The following C2orf76 variants were observed in gnomAD, a reference collection of about 807,000 sequenced individuals.
C2orf76 encodes the protein UPF0538 protein C2orf76.
In C2orf76, 23 loss-of-function variants were observed where a neutral mutation model predicts 16.9. That is an observed-to-expected ratio of 1.36 (90% CI 0.98 to 1.93). The LOEUF (loss-of-function observed/expected upper bound fraction) is 1.93, where lower values mean the gene tolerates loss of function less well. C2orf76 is among the 30% of genes most tolerant of loss of function. The pLI, the probability that C2orf76 is intolerant of heterozygous loss-of-function variation, is 0.00. For synonymous variants in C2orf76, 48 were observed against 52.3 expected (o/e 0.92, Z 0.35); for missense variants, 152 against 152.6 (o/e 1.00, Z 0.02).
intron 1 of C2orf76, among the ~76,000 whole-genome samples, chr2:119,348,818 G>A (rs1680291072): frequency 6.6e-6 from 1 of 152,204 alleles, no homozygotes; most frequent in Non-Finnish European, 1.5e-5. Context: ...GCAACATGGT[G>A]AAACCCCATC....
chr2:119,307,812 T>C (rs1487432513), intron 5 of C2orf76, among the ~76,000 whole-genome samples: 2 of 152,198 alleles, frequency 1.3e-5, no homozygotes, highest in African/African-American at 2.4e-5. Context: ...AGATGGTTCA[T>C]TACATAAGTC....
intron 1 of C2orf76, chr2:119,366,525 G>A: frequency 2.1e-6 from 1 of 471,320 alleles, no homozygotes; most frequent in South Asian, 1.5e-5. Context: ...GACCATCTCC[G>A]GGGGTCTCCT....
chr2:119,284,674 G>T, the C2orf76 span, among the ~76,000 whole-genome samples: 507 of 145,960 alleles, frequency 3.5e-3, 3 homozygotes, highest in African/African-American at 0.01. Context: ...GTTGTTTTGG[G>T]ATTTTGGTTT....
chr2:119,351,608 G>A (rs1680408687), intron 1 of C2orf76, among the ~76,000 whole-genome samples: 1 of 152,062 alleles, frequency 6.6e-6, no homozygotes, highest in Non-Finnish European at 1.5e-5. Flanking sequence ...ACCAAAATTA[G>A]CTGGGTGTGG....
At chr2:119,282,018 C>T in the C2orf76 span, among the ~76,000 whole-genome samples, 164 of 152,072 alleles carry the variant, frequency 1.1e-3, no homozygotes, top group African/African-American at 3.7e-3. Flanking sequence ...TGGTGGTGGA[C>T]GCCTGCAATC....
chr2:119,333,801 G>C (rs1241299204), intron 2 of C2orf76, among the ~76,000 whole-genome samples: 1 of 152,216 alleles, frequency 6.6e-6, no homozygotes, highest in Non-Finnish European at 1.5e-5. Flanking sequence ...GTAACATTCT[G>C]TAAGACACTG....
the C2orf76 span, among the ~76,000 whole-genome samples, chr2:119,291,376 C>T: frequency 9.1e-4 from 139 of 151,972 alleles, no homozygotes; most frequent in Non-Finnish European, 1.6e-3. Context: ...AAGCAAGTTA[C>T]AGCCAGAGAA....
At chr2:119,342,311 G>A (rs1334492325) in intron 1 of C2orf76, among the ~76,000 whole-genome samples, 5 of 152,090 alleles carry the variant, frequency 3.3e-5, no homozygotes, top group Admixed American at 6.6e-5. Context: ...TCTTTATTTC[G>A]TTTGATAGGA....
downstream of C2orf76, among the ~76,000 whole-genome samples, chr2:119,300,848 T>A (rs1573611967): frequency 6.6e-6 from 1 of 152,218 alleles, no homozygotes; most frequent in East Asian, 1.9e-4. Flanking sequence ...TTCTACTGAA[T>A]GCCTACTGCT....
At chr2:119,302,121 T>A (rs552820241), downstream of C2orf76, 1 of 160,118 alleles carries the variant, frequency 6.2e-6, no homozygotes, top group African/African-American at 2.4e-5. Flanking sequence ...ATAAACAGTA[T>A]GATCTTAGTC....
chr2:119,323,194 T>TC (rs1311411584), intron 2 of C2orf76, among the ~76,000 whole-genome samples: 1 of 151,202 alleles, frequency 6.6e-6, no homozygotes. Context: ...CCGGCATTTT[T>TC]TTTTTTTTTA....
At chr2:119,286,228 A>G in the C2orf76 span, among the ~76,000 whole-genome samples, 1 of 133,144 alleles carries the variant, frequency 7.5e-6, no homozygotes, top group African/African-American at 2.8e-5. Flanking sequence ...CCATCTCAAA[A>G]AAAAAAAAAA....
intron 2 of C2orf76, among the ~76,000 whole-genome samples, chr2:119,327,655 T>C (rs1679551511): frequency 6.6e-6 from 1 of 152,164 alleles, no homozygotes; most frequent in Non-Finnish European, 1.5e-5. Context: ...TGGCATGCTA[T>C]GTGGCATGCT....
intron 1 of C2orf76, among the ~76,000 whole-genome samples, chr2:119,358,586 A>T (rs888872356): frequency 5.9e-5 from 9 of 151,724 alleles, no homozygotes; most frequent in African/African-American, 1.9e-4. Flanking sequence ...TCAAAAAAAA[A>T]AAAAAAAAAA....
intron 2 of C2orf76, among the ~76,000 whole-genome samples, chr2:119,328,526 T>A (rs1679579533): frequency 1.3e-5 from 2 of 152,276 alleles, no homozygotes; most frequent in South Asian, 4.1e-4. Context: ...CTGGCTAGAG[T>A]TTACTCAATT....
chr2:119,304,703 T>A (rs1678722679), intron 5 of C2orf76, among the ~76,000 whole-genome samples: 1 of 152,192 alleles, frequency 6.6e-6, no homozygotes, highest in African/African-American at 2.4e-5. Context: ...CTCCAAACAT[T>A]CAAAAGTAAA....
intron 4 of C2orf76, among the ~76,000 whole-genome samples, chr2:119,314,203 C>A (rs1259497003): frequency 1.3e-5 from 2 of 151,864 alleles, no homozygotes; most frequent in Non-Finnish European, 2.9e-5. Context: ...TTAAGAATTT[C>A]ATTTTTTGAA....
At chr2:119,312,820 G>C (rs1679039072) in intron 4 of C2orf76, among the ~76,000 whole-genome samples, 1 of 152,092 alleles carries the variant, frequency 6.6e-6, no homozygotes, top group Non-Finnish European at 1.5e-5. Flanking sequence ...AAGGTCAGGA[G>C]ATCGAGACCA....
the C2orf76 span, among the ~76,000 whole-genome samples, chr2:119,286,224 C>CAAAA: frequency 3.3e-4 from 20 of 60,282 alleles, no homozygotes; most frequent in South Asian, 5.6e-4. Flanking sequence ...GACTCCATCT[C>CAAAA]AAAAAAAAAA....
Sources: allele counts gnomAD v4.1 joint callset (sites outside exome capture counted in the v4.1 genomes callset), GRCh38; gene constraint gnomAD v4.1.1; transcripts MANE v1.5; gene names NCBI Gene and HGNC (gene_info 2026-07-23, HGNC 2026-07-21).